Variants in ZNF600 observed in about 807,000 individuals in gnomAD.
ZNF600 encodes zinc finger protein KR-ZNF1.
Under a neutral mutation model 7.3 loss-of-function variants are expected in ZNF600, and 4 were observed. The observed-to-expected ratio is 0.55, with a 90% CI of 0.27 to 1.25. The LOEUF (loss-of-function observed/expected upper bound fraction) is 1.25, where lower values mean the gene tolerates loss of function less well. Ranked by LOEUF, ZNF600 falls within the 50% of genes most tolerant of loss-of-function variation. The pLI is 0.12. For synonymous variants in ZNF600, 290 were observed against 308.9 expected, an observed-to-expected ratio of 0.94 and a Z score of 0.64; for missense variants, 911 against 922.1, an observed-to-expected ratio of 0.99 and a Z score of 0.16.
the ZNF600 span, among the ~76,000 whole-genome samples, chr19:52,795,080 G>A: frequency 6.6e-5 from 10 of 152,232 alleles, no homozygotes; most frequent in East Asian, 1.9e-4. Flanking sequence ...AAATGTTTTC[G>A]TCATGAACAT....
intron 2 of ZNF600, among the ~76,000 whole-genome samples, chr19:52,775,038 G>T (rs145317427): frequency 6.6e-6 from 1 of 152,080 alleles, no homozygotes; most frequent in African/African-American, 2.4e-5. Flanking sequence ...TCAAGAGTTC[G>T]AGACCACCCT....
the ZNF600 span, among the ~76,000 whole-genome samples, chr19:52,821,905 A>AAAAAAAAT: frequency 3.0e-5 from 4 of 133,822 alleles, no homozygotes; most frequent in East Asian, 6.0e-4. Context: ...TCCGTCTCTA[A>AAAAAAAAT]AAAAAAATAA....
the ZNF600 span, among the ~76,000 whole-genome samples, chr19:52,819,457 A>C: frequency 1.8e-5 from 2 of 112,150 alleles, no homozygotes; most frequent in Admixed American, 9.2e-5. Context: ...ACAACTGGGC[A>C]CTCCCCTCTA....
chr19:52,793,813 CACACAAAA>C, the ZNF600 span, among the ~76,000 whole-genome samples: 1 of 112,922 alleles, frequency 8.9e-6, no homozygotes, highest in Non-Finnish European at 1.8e-5. Context: ...CACACACACA[CACACAAAA>C]GTGATGTATC....
At chr19:52,778,979 C>A (rs1254586715) in intron 1 of ZNF600, 72 bp from the exon 4 acceptor site, 3 of 1,382,960 alleles carry the variant, frequency 2.2e-6, no homozygotes, top group Non-Finnish European at 2.9e-6. Flanking sequence ...ACCACATGAA[C>A]AGGGGAGACC....
At chr19:52,799,214 T>C in the ZNF600 span, 1 of 389,302 alleles carries the variant, frequency 2.6e-6, no homozygotes, top group Non-Finnish European at 5.0e-6. Flanking sequence ...GAATTGCCTT[T>C]TGAATTACAA....
chr19:52,777,873 T>TA (rs1176726239), intron 2 of ZNF600, among the ~76,000 whole-genome samples: 2 of 152,078 alleles, frequency 1.3e-5, no homozygotes, highest in African/African-American at 4.8e-5. Context: ...TATACATACA[T>TA]ACGGTGACCC....
the ZNF600 span, among the ~76,000 whole-genome samples, chr19:52,818,416 A>C: frequency 6.6e-6 from 1 of 152,264 alleles, no homozygotes; most frequent in African/African-American, 2.4e-5. Flanking sequence ...CTCTCTACTA[A>C]AAATATAAAA....
At chr19:52,766,629 T>G in exon 4 of ZNF600, 2 of 1,614,200 alleles carry the variant, frequency 1.2e-6, no homozygotes, top group Non-Finnish European at 1.7e-6. Context: ...AAGTCTATGA[T>G]GGCATACAAG....
chr19:52,829,116 G>A, the ZNF600 span, among the ~76,000 whole-genome samples: 15 of 151,922 alleles, frequency 9.9e-5, no homozygotes, highest in Non-Finnish European at 1.5e-4. Context: ...CACCCGCCTC[G>A]GCCTCCCAAA....
chr19:52,800,244 G>C, the ZNF600 span: 4 of 1,603,298 alleles, frequency 2.5e-6, no homozygotes, highest in African/African-American at 1.4e-5. Context: ...GTTTGCTTTT[G>C]TACTAAAAAC....
chr19:52,799,040 A>T, the ZNF600 span: 3 of 568,378 alleles, frequency 5.3e-6, no homozygotes, highest in Non-Finnish European at 9.1e-6. Flanking sequence ...TCCAGTATGA[A>T]TTCTCCTGTC....
At chr19:52,811,180 T>G in the ZNF600 span, among the ~76,000 whole-genome samples, 1 of 150,522 alleles carries the variant, frequency 6.6e-6, no homozygotes, top group Non-Finnish European at 1.5e-5. Context: ...AGATGGAGTC[T>G]CGTTCACTCA....
the ZNF600 span, among the ~76,000 whole-genome samples, chr19:52,794,843 C>T: frequency 0.012 from 1,883 of 152,098 alleles, 21 homozygotes; most frequent in Non-Finnish European, 0.016. Flanking sequence ...GACAGAGTGA[C>T]ACTCTTGTCT....
the ZNF600 span, among the ~76,000 whole-genome samples, chr19:52,831,240 G>C: frequency 6.6e-6 from 1 of 152,118 alleles, no homozygotes; most frequent in Non-Finnish European, 1.5e-5. Context: ...TGTGTCTGTG[G>C]AAACAGAGAC....
At chr19:52,767,892 A>C in intron 3 of ZNF600, 120 bp from the exon 6 acceptor site, 4 of 1,375,662 alleles carry the variant, frequency 2.9e-6, no homozygotes, top group Non-Finnish European at 3.9e-6. Flanking sequence ...TCATCTTCAA[A>C]GTTTAGGAAC....
chr19:52,771,631 A>AT (rs2062631043), intron 3 of ZNF600, among the ~76,000 whole-genome samples: 1 of 152,064 alleles, frequency 6.6e-6, no homozygotes, highest in Non-Finnish European at 1.5e-5. Context: ...GTGTATACCA[A>AT]CACACCCAGC....
At chr19:52,831,917 C>T in the ZNF600 span, among the ~76,000 whole-genome samples, 1 of 152,276 alleles carries the variant, frequency 6.6e-6, no homozygotes, top group Admixed American at 6.5e-5. Context: ...GCATAAGCCA[C>T]CATGCCCAGC....
At chr19:52,773,782 G>A (rs2062649881) in intron 3 of ZNF600, among the ~76,000 whole-genome samples, 1 of 151,984 alleles carries the variant, frequency 6.6e-6, no homozygotes, top group African/African-American at 2.4e-5. Flanking sequence ...TGAGGTAGGA[G>A]ATTGCTTGAA....
Sources: gnomAD v4.1 joint callset for allele counts (sites outside exome capture counted in the v4.1 genomes callset) on GRCh38, gnomAD v4.1.1 for gene constraint, MANE v1.5 for transcripts, NCBI Gene and HGNC (gene_info 2026-07-23, HGNC 2026-07-21) for gene names.